TTPAL: variants seen among roughly 807,000 people sequenced by gnomAD.
TTPAL encodes alpha-tocopherol transfer protein-like.
TTPAL carries 21 observed loss-of-function variants against 28.7 expected under a neutral mutation model. The observed-to-expected ratio is 0.73, with a 90% CI of 0.52 to 1.06. The LOEUF is 1.06. Among genes scored for constraint, TTPAL ranks in the 50% least tolerant of loss-of-function variants. TTPAL has a pLI of 0.00. For missense variants in TTPAL, 345 were observed against 425.5 expected, an observed-to-expected ratio of 0.81 and a Z score of 1.67; for synonymous variants, 169 against 171.9, an observed-to-expected ratio of 0.98 and a Z score of 0.13.
At chr20:44,477,266 A>C (rs2064052639) in intron 1 of TTPAL, among the ~76,000 whole-genome samples, 1 of 152,226 alleles carries the variant, frequency 6.6e-6, no homozygotes, top group African/African-American at 2.4e-5. Context: ...ATAGAAACAA[A>C]GCCATAGTTG....
intron 4 of TTPAL, among the ~76,000 whole-genome samples, chr20:44,488,979 C>A (rs949988725): frequency 3.3e-5 from 5 of 152,134 alleles, no homozygotes; most frequent in Non-Finnish European, 7.3e-5. Context: ...CTGGAGGAAT[C>A]CAGGGAGAAG....
At chr20:44,485,928 T>C (rs1425162575) in intron 3 of TTPAL, 1 of 152,218 alleles carries the variant, frequency 6.6e-6, no homozygotes, top group Non-Finnish European at 1.5e-5. Flanking sequence ...CAAACTCATT[T>C]GCCTGCTGTG....
intron 4 of TTPAL, among the ~76,000 whole-genome samples, chr20:44,487,438 G>A (rs1357364108): frequency 1.3e-5 from 2 of 152,204 alleles, no homozygotes; most frequent in African/African-American, 2.4e-5. Context: ...CTGGGTAACA[G>A]AGCAGAACAC....
intron 2 of TTPAL, among the ~76,000 whole-genome samples, chr20:44,482,197 A>G (rs993971087): frequency 2.0e-5 from 3 of 152,188 alleles, no homozygotes; most frequent in Non-Finnish European, 4.4e-5. Flanking sequence ...GTTAATTGGC[A>G]GCAACGTTAG....
intron 3 of TTPAL, among the ~76,000 whole-genome samples, chr20:44,485,077 C>T (rs2064139652): frequency 6.6e-6 from 1 of 152,192 alleles, no homozygotes. Context: ...CGCGCCATTG[C>T]ACTCCAGCCT....
rs2064225170 is a variant in TTPAL, at chr20:44,493,332, T to TA, written c.*3793dup. 1 of 152,246 alleles carries TA rather than the reference T, an allele frequency of 6.6e-6. No individual in the cohort carries two copies. The highest frequency in any genetic ancestry group is 2.1e-4 in the South Asian group (1 of 4,826). The allele number at this position is 152,246 out of a possible 1,614,324, so 9.4% of individuals were successfully genotyped here. A position where few individuals can be genotyped will look rare whatever the true frequency, so the allele number is the denominator to read the frequency against. On this transcript the variant is annotated 3_prime_UTR_variant, in exon 5 of 5. Transcript: ENST00000262605. ...TTACAAAACACCATTTTTCCCGAAA[T>TA]AAGACAATAAGAGGCTTTTCTCTGA...
chr20:44,484,556 T>C, intron 3 of TTPAL, 26 bp downstream of exon 3: 1 of 1,507,698 alleles, frequency 6.6e-7, no homozygotes, highest in South Asian at 1.3e-5. Flanking sequence ...GTCCTGCCTG[T>C]TTCGTGGTGG....
Position 44,486,605 on chromosome 20 carries a change from C to T in TTPAL, c.649C>T (p.Pro217Ser), listed in dbSNP as rs1434509086. ...TGCCTTTCCCACACAGGATGGTTTC[C>T]CCATTCGGATAAAAGCAGTCCATGT... ...KVIGILQDGF[P>S]IRIKAVHVVN... is the part of the protein sequence containing the mutation. The change falls in exon 4 of 5, where the codon CCC becomes TCC. Residue 217 changes from proline to serine, a missense_variant. Transcript: ENST00000262605. The T allele has an allele frequency of 6.2e-7, 1 of 1,608,588 alleles. No homozygotes were observed. Among genetic ancestry groups the T allele is most frequent in the Non-Finnish European group, 8.5e-7 (1 of 1,177,120 alleles).
At position 44,491,113 on chromosome 20, in the gene TTPAL, G is replaced by A. The variant is rs1412582460; in HGVS notation, c.*1572G>A. 7.8e-6 allele frequency: 1 copy of A among 128,102 alleles called. No homozygotes were observed. The highest frequency in any genetic ancestry group is 2.9e-5 in the African/African-American group (1 of 34,676). 7.9% of individuals were successfully genotyped at this position (128,102 alleles called of 1,614,324 possible). A position where few individuals can be genotyped will look rare whatever the true frequency, so the allele number is the denominator to read the frequency against. ...AAAAAAAAAAAATTTTTTTTTTTTTGGTCTCTGGAAATGAACACAAGGGCA... is the reference window on the plus strand; with the variant it reads ...AAAAAAAAAAAATTTTTTTTTTTTTAGTCTCTGGAAATGAACACAAGGGCA... On this transcript the variant is annotated 3_prime_UTR_variant, in exon 5 of 5. Transcript: ENST00000262605.
chr20:44,485,115 G>C (rs2064140085), intron 3 of TTPAL, among the ~76,000 whole-genome samples: 2 of 152,098 alleles, frequency 1.3e-5, no homozygotes, highest in African/African-American at 4.8e-5. Context: ...CTCTGTCTCA[G>C]AAAACAAACA....
chr20:44,493,991 CTA>C lies in TTPAL; in HGVS notation c.*4452_*4453del, dbSNP rs1442987171. The C allele has an allele frequency of 6.6e-6, 1 of 152,228 alleles. No homozygotes were observed. Among genetic ancestry groups the C allele is most frequent in the African/African-American group, 2.4e-5 (1 of 41,414 alleles). 9.4% of individuals were successfully genotyped at this position (152,228 alleles called of 1,614,324 possible). ...AGGCAGCGGTTGCAGTAAGCCAAGACTATGCCACTGCACTCCCGCCTGGGTGA... is the reference window on the plus strand; with the variant it reads ...AGGCAGCGGTTGCAGTAAGCCAAGACTGCCACTGCACTCCCGCCTGGGTGA... On this transcript the variant is annotated 3_prime_UTR_variant, in exon 5 of 5. Coordinates refer to ENST00000262605, the MANE Select transcript of TTPAL (RefSeq NM_001039199.3).
intron 3 of TTPAL, chr20:44,485,945 T>G (rs1030726318): frequency 6.6e-6 from 1 of 152,222 alleles, no homozygotes; most frequent in African/African-American, 2.4e-5. Context: ...TGTGGAGCCC[T>G]GTTTTATATA....
rs939805488 is a variant in TTPAL at position 44,490,357 on chromosome 20, T to C, written c.*816T>C. 6.6e-6 allele frequency: 1 copy of C among 152,312 alleles called. No homozygotes were observed. The highest frequency in any genetic ancestry group is 1.5e-5 in the Non-Finnish European group (1 of 68,026). 9.4% of individuals were successfully genotyped at this position (152,312 alleles called of 1,614,324 possible). ...CTGGCCTGGATCCCAGGTGTACAAC[T>C]ATGGACAAGATATGGGCCTCTACTT... On this transcript the variant is annotated 3_prime_UTR_variant, in exon 5 of 5. Coordinates refer to ENST00000262605, the MANE Select transcript of TTPAL (RefSeq NM_001039199.3).
intron 4 of TTPAL, among the ~76,000 whole-genome samples, chr20:44,488,296 A>C (rs751461883): frequency 6.6e-6 from 1 of 152,206 alleles, no homozygotes; most frequent in African/African-American, 2.4e-5. Context: ...GGGTCCCTAA[A>C]GATTCTGTTT....
In TTPAL at chr20:44,490,450, TTTGGTTTA is replaced by T. The variant is rs1426034618; in HGVS notation, c.*910_*917del. On this transcript the variant is annotated 3_prime_UTR_variant, in exon 5 of 5. Coordinates refer to ENST00000262605, the MANE Select transcript of TTPAL (RefSeq NM_001039199.3). ...CATTTTGGCTGCTGAGGCTCTGGGA[TTTGGTTTA>T]GTTACTGAATGTTAGATTTTCTGCC... The T allele has an allele frequency of 6.6e-6, 1 of 152,278 alleles. No individual in the cohort carries two copies. Among genetic ancestry groups the T allele is most frequent in the Non-Finnish European group, 1.5e-5 (1 of 68,034 alleles). The allele number at this position is 152,278 out of a possible 1,614,324, so 9.4% of individuals were successfully genotyped here.
intron 4 of TTPAL, 118 bp downstream of exon 4, chr20:44,486,824 T>TA (rs2064156441): frequency 3.2e-6 from 2 of 616,018 alleles, no homozygotes; most frequent in African/African-American, 1.9e-5. Context: ...AGTACAGAGT[T>TA]ACAGATAAAA....
rs1474119043 is a variant in TTPAL at position 44,494,072 on chromosome 20, T to TA, written c.*4532dup. The TA allele has an allele frequency of 2.0e-5, 3 of 152,010 alleles. No homozygotes were observed. Among genetic ancestry groups the TA allele is most frequent in the African/African-American group, 4.9e-5 (2 of 41,162 alleles). 9.4% of individuals were successfully genotyped at this position (152,010 alleles called of 1,614,324 possible). A position where few individuals can be genotyped will look rare whatever the true frequency, so the allele number is the denominator to read the frequency against. On this transcript the variant is annotated 3_prime_UTR_variant, in exon 5 of 5. Transcript: ENST00000262605. ...AATTCATTCTTCTGCTCTCCTGACT[T>TA]AGAGAAATGGTTTGCTTAAAATGCT... is the stretch of plus-strand genomic sequence containing the variant.
In TTPAL at chr20:44,492,036, T is replaced by C. The variant is rs879779322; in HGVS notation, c.*2495T>C. On this transcript the variant is annotated 3_prime_UTR_variant, in exon 5 of 5. Transcript: ENST00000262605. ...GGTTTCACTCAGCTTCTAGAAGGAG[T>C]TGGAGCCTAAGTTTATCTGCCTCCG... is the stretch of plus-strand genomic sequence containing the variant. The C allele has an allele frequency of 2.6e-5, 4 of 152,230 alleles. No individual in the cohort carries two copies. Among genetic ancestry groups the C allele is most frequent in the East Asian group, 1.9e-4 (1 of 5,330 alleles). 9.4% of individuals were successfully genotyped at this position (152,230 alleles called of 1,614,324 possible). A position where few individuals can be genotyped will look rare whatever the true frequency, so the allele number is the denominator to read the frequency against.
At chr20:44,477,473 C>T (rs2064054797) in intron 1 of TTPAL, among the ~76,000 whole-genome samples, 1 of 152,098 alleles carries the variant, frequency 6.6e-6, no homozygotes, top group African/African-American at 2.4e-5. Flanking sequence ...AGGCACCTAA[C>T]CTGGCTGGGG....
Sources: gnomAD v4.1 joint callset for allele counts (sites outside exome capture counted in the v4.1 genomes callset) on GRCh38, gnomAD v4.1.1 for gene constraint, MANE v1.5 for transcripts, NCBI Gene and HGNC (gene_info 2026-07-23, HGNC 2026-07-21) for gene names.